PDLIM2: variants seen among roughly 807,000 people sequenced by gnomAD.
PDLIM2 encodes PDZ and LIM domain protein 2.
Under a neutral mutation model 54.1 loss-of-function variants are expected in PDLIM2, and 51 were observed. That is an observed-to-expected ratio of 0.94 (90% confidence interval 0.75 to 1.19). The LOEUF (loss-of-function observed/expected upper bound fraction) is 1.19, where lower values mean the gene tolerates loss of function less well. Among genes scored for constraint, PDLIM2 ranks in the 50% most tolerant of loss-of-function variants. The pLI, the probability that PDLIM2 is intolerant of heterozygous loss-of-function variation, is 0.00. For missense variants in PDLIM2, 912 were observed against 874.0 expected (o/e 1.04, Z -0.55); for synonymous variants, 398 against 385.6 (o/e 1.03, Z -0.38).
exon 2 of PDLIM2, chr8:22,580,689 G>A: frequency 6.2e-7 from 1 of 1,613,990 alleles, no homozygotes; most frequent in Non-Finnish European, 8.5e-7. Context: ...GCCCATCATG[G>A]TGACTAAGGT....
chr8:22,585,004 A>G lies in PDLIM2; in HGVS notation c.1066-13A>G. 2 of 1,613,058 alleles carry G rather than the reference A, an allele frequency of 1.2e-6. No individual in the cohort carries two copies. The highest frequency in any genetic ancestry group is 1.1e-5 in the South Asian group (1 of 91,042). ...CAGCCCTGCCTTTCCTGACACAGTC[A>G]CTCTCTCCACAGGGCTCCGTGAGGA... On this transcript the variant is annotated splice_polypyrimidine_tract_variant and intron_variant, in intron 4 of 9. Coordinates refer to ENST00000308354, the Ensembl canonical transcript of PDLIM2.
At chr8:22,581,256 A>T in intron 2 of PDLIM2, 123 bp from the exon 2 acceptor site, 2 of 1,250,304 alleles carry the variant, frequency 1.6e-6, no homozygotes, top group South Asian at 2.9e-5. Context: ...AGGCAGAGGG[A>T]CATGCAGGAG....
At chr8:22,589,697 G>T (rs1800484342) in exon 8 of PDLIM2, 2 of 1,572,112 alleles carry the variant, frequency 1.3e-6, no homozygotes, top group Non-Finnish European at 1.7e-6. Context: ...CGACAGTCCA[G>T]CTCCTTTCGG....
intron 3 of PDLIM2, 127 bp downstream of exon 2, chr8:22,581,657 A>T: frequency 7.9e-7 from 1 of 1,271,188 alleles, no homozygotes; most frequent in Non-Finnish European, 1.0e-6. Context: ...GGCCCTCTCC[A>T]CACCTTGGTG....
At chr8:22,587,363 T>A (rs1368693503) in intron 6 of PDLIM2, among the ~76,000 whole-genome samples, 1 of 151,976 alleles carries the variant, frequency 6.6e-6, no homozygotes, top group Non-Finnish European at 1.5e-5. Context: ...GAAACCCCCA[T>A]CTCTTTAAAA....
At chr8:22,593,646 T>C in intron 9 of PDLIM2, 87 bp from the exon 9 acceptor site, 4 of 1,194,746 alleles carry the variant, frequency 3.3e-6, no homozygotes, top group Non-Finnish European at 4.6e-6. Context: ...CAGGTCCTGA[T>C]GCTACAGTGG....
At chr8:22,581,062 A>G (rs2117336123) in intron 2 of PDLIM2, 2 of 666,172 alleles carry the variant, frequency 3.0e-6, no homozygotes, top group East Asian at 6.1e-5. Context: ...AGGGCTGTGC[A>G]GGCAGCCACC....
exon 1 of PDLIM2, chr8:22,578,988 C>A (rs989440015): frequency 3.2e-6 from 4 of 1,242,198 alleles, no homozygotes; most frequent in Non-Finnish European, 4.0e-6. Context: ...CTGCCTCATC[C>A]CCCCGGCGGG....
At chr8:22,593,467 C>G (rs1800608278) in intron 9 of PDLIM2, 1 of 426,386 alleles carries the variant, frequency 2.3e-6, no homozygotes, top group Non-Finnish European at 4.1e-6. Flanking sequence ...ATCCCAGCTA[C>G]TCAGGAGGCT....
chr8:22,582,089 C>G (rs1353702558), intron 3 of PDLIM2, among the ~76,000 whole-genome samples: 1 of 152,174 alleles, frequency 6.6e-6, no homozygotes, highest in East Asian at 1.9e-4. Context: ...AGGGTGGGGC[C>G]TGGAGGCCAA....
intron 8 of PDLIM2, chr8:22,590,715 C>CT (rs1036348779): frequency 2.6e-5 from 4 of 152,218 alleles, no homozygotes; most frequent in African/African-American, 9.7e-5. Context: ...GCCTGGCTGT[C>CT]TCCAAGGCTC....
rs374893438 is a variant in PDLIM2 at position 22,589,623 on chromosome 8, C to T, written c.1395C>T (p.Leu465=). 37 of 1,600,610 alleles carry T rather than the reference C, an allele frequency of 2.3e-5. No individual in the cohort carries two copies. The African/African-American group carries it at 4.3e-4, about 19-fold the overall frequency. ...TGGACTCGGAAGGGGGAAGCCTCCT[C>T]CTGGACGAGGACTCGGAAGTCTTCA... The change falls in exon 8 of 10, where the codon CTC becomes CTT. Residue 465 remains leucine (L), a synonymous_variant. Coordinates refer to ENST00000308354, the Ensembl canonical transcript of PDLIM2.
chr8:22,585,222 C>G, intron 5 of PDLIM2, 60 bp downstream of exon 4: 1 of 1,605,446 alleles, frequency 6.2e-7, no homozygotes, highest in Non-Finnish European at 8.5e-7. Flanking sequence ...AGGCTGGCTC[C>G]TCTGAGTCTC....
At chr8:22,595,179 C>G (rs1014518356), downstream of PDLIM2, 1 of 153,146 alleles carries the variant, frequency 6.5e-6, no homozygotes, top group Non-Finnish European at 1.5e-5. Context: ...TTGTGCTCTC[C>G]GGCTCTTTGT....
chr8:22,581,387 G>C (rs1294180006), exon 3 of PDLIM2: 1 of 1,602,502 alleles, frequency 6.2e-7, no homozygotes, highest in Non-Finnish European at 8.5e-7. Context: ...AGGTGGCCGA[G>C]CGGGGCAAAG....
chr8:22,578,818 T>C, exon 1 of PDLIM2: 1 of 1,234,334 alleles, frequency 8.1e-7, no homozygotes, highest in East Asian at 3.2e-5. Flanking sequence ...GGGAGAGCTT[T>C]ATGGGGCTGC....
At chr8:22,591,461 G>T in intron 8 of PDLIM2, 90 bp from the exon 8 acceptor site, 1 of 1,146,670 alleles carries the variant, frequency 8.7e-7, no homozygotes, top group Non-Finnish European at 1.3e-6. Context: ...TCTTATAAGG[G>T]TGCTTTCCAA....
chr8:22,595,965 T>G (rs971631229), downstream of PDLIM2: 1 of 153,152 alleles, frequency 6.5e-6, no homozygotes, highest in African/African-American at 2.4e-5. Context: ...TTTTAAGTTT[T>G]TTTTTTTTTT....
chr8:22,589,474 A>C lies in PDLIM2; in HGVS notation c.1367+100A>C, dbSNP rs1265097559. 2.6e-6 allele frequency: 4 copies of C among 1,527,354 alleles called. No individual in the cohort carries two copies. In the African/African-American group the frequency reaches 5.5e-5, roughly 21 times the overall value. The allele number at this position is 1,527,354 out of a possible 1,614,324, so 94.6% of individuals were successfully genotyped here. On this transcript the variant is annotated intron_variant, in intron 7 of 9. Transcript: ENST00000308354. The stretch of plus-strand genomic sequence containing the variant: ...GAGAGGGATGGGGTCCCCCAAGCCC[A>C]GTTGGCTCCTCCACCTCCCAGATTC...
Sources: gnomAD v4.1 joint callset for allele counts (sites outside exome capture counted in the v4.1 genomes callset) on GRCh38, gnomAD v4.1.1 for gene constraint, MANE v1.5 for transcripts, NCBI Gene and HGNC (gene_info 2026-07-23, HGNC 2026-07-21) for gene names.